MRTFB: variants seen among roughly 807,000 people sequenced by gnomAD.
MRTFB encodes the protein myocardin-related transcription factor B.
MRTFB carries 29 observed loss-of-function variants against 104.2 expected under a neutral mutation model. The observed-to-expected ratio is 0.28, with a 90% CI of 0.21 to 0.38. The LOEUF (loss-of-function observed/expected upper bound fraction) is 0.38. Ranked by LOEUF, MRTFB falls within the 10% of genes least tolerant of loss-of-function variation. The pLI, the probability that MRTFB is intolerant of heterozygous loss-of-function variation, is 1.00. For missense variants in MRTFB, 1,270 were observed against 1,341.6 expected, an observed-to-expected ratio of 0.95 and a Z score of 0.83; for synonymous variants, 535 against 519.5, an observed-to-expected ratio of 1.03 and a Z score of -0.41.
rs149527568 is a variant in MRTFB at position 14,159,039 on chromosome 16, G to T, written c.154+18279G>T. Among the ~76,000 whole-genome samples, 215 of 152,086 alleles carry T rather than the reference G, an allele frequency of 1.4e-3. 1 individual carries two copies. Among genetic ancestry groups the T allele is most frequent in the African/African-American group, 4.9e-3 (204 of 41,484 alleles). ...GCCTGTGGTCCCAGCTACTTAGGAG[G>T]CTGAGGAGGGAGAACTGCTTGAGCC... On this transcript the variant is annotated intron_variant, in intron 3 of 16. Transcript: ENST00000571589.
chr16:14,051,945 C>T, the MRTFB span, among the ~76,000 whole-genome samples: 2 of 152,242 alleles, frequency 1.3e-5, no homozygotes, highest in Admixed American at 1.3e-4. Flanking sequence ...CATGCCTTCC[C>T]TCTCGTGAAT....
Position 14,153,496 on chromosome 16 carries a change from G to A in MRTFB, c.154+12736G>A, listed in dbSNP as rs142526329. ...CATGTAGCTGTTTGGATTGCTCAGC[G>A]CTTTCTGAACCCTCAAGAGAAGGAA... On this transcript the variant is annotated intron_variant, in intron 3 of 16. Coordinates refer to ENST00000571589, the MANE Select transcript of MRTFB (RefSeq NM_001308142.2). Among the ~76,000 whole-genome samples the A allele has an allele frequency of 4.8e-3, 737 of 152,222 alleles. 3 individuals are homozygous for A. The highest frequency in any genetic ancestry group is 0.017 in the African/African-American group (708 of 41,532).
At chr16:14,021,872 T>C in the MRTFB span, among the ~76,000 whole-genome samples, 1 of 152,190 alleles carries the variant, frequency 6.6e-6, no homozygotes, top group Admixed American at 6.5e-5. Context: ...ATCGTGCTGC[T>C]ATAGACATGT....
intron 3 of MRTFB, among the ~76,000 whole-genome samples, chr16:14,190,149 G>A (rs1342485617): frequency 6.6e-6 from 1 of 152,110 alleles, no homozygotes; most frequent in Non-Finnish European, 1.5e-5. Flanking sequence ...CAGTATATGT[G>A]GTTGGAGAAT....
the MRTFB span, among the ~76,000 whole-genome samples, chr16:14,052,953 A>G: frequency 6.6e-6 from 1 of 152,156 alleles, no homozygotes; most frequent in African/African-American, 2.4e-5. Context: ...TTCCACATGT[A>G]AGAACATATG....
the MRTFB span, among the ~76,000 whole-genome samples, chr16:14,003,471 G>A: frequency 6.6e-6 from 1 of 152,164 alleles, no homozygotes; most frequent in African/African-American, 2.4e-5. Context: ...ACAGCCCCCA[G>A]GCAGTTTGCT....
the MRTFB span, among the ~76,000 whole-genome samples, chr16:14,047,305 A>T: frequency 2.0e-5 from 3 of 152,100 alleles, no homozygotes; most frequent in Non-Finnish European, 2.9e-5. Flanking sequence ...TCTTTCCCTT[A>T]TGGTCATAGG....
chr16:14,184,558 T>TCC (rs2039880431), intron 3 of MRTFB, among the ~76,000 whole-genome samples: 1 of 141,034 alleles, frequency 7.1e-6, no homozygotes, highest in Non-Finnish European at 1.6e-5. Flanking sequence ...ATCAGGAAAA[T>TCC]AATGTTGAAC....
chr16:14,109,985 A>C (rs1222511845), intron 2 of MRTFB, among the ~76,000 whole-genome samples: 3 of 152,240 alleles, frequency 2.0e-5, no homozygotes, highest in African/African-American at 7.2e-5. Flanking sequence ...AAAGGAGAGG[A>C]AAAAGGAAAC....
At chr16:14,074,740 A>G (rs543961125) in intron 1 of MRTFB, among the ~76,000 whole-genome samples, 1 of 152,350 alleles carries the variant, frequency 6.6e-6, no homozygotes, top group Admixed American at 6.5e-5. Context: ...CTTGATTCAA[A>G]GGGTGACTTG....
intron 2 of MRTFB, among the ~76,000 whole-genome samples, chr16:14,132,729 G>A (rs11075233): frequency 0.077 from 11,746 of 152,136 alleles, 862 homozygotes; most frequent in African/African-American, 0.19. Context: ...AAAATGCTTC[G>A]TGGCAGAAGC....
At chr16:14,257,946 G>A (rs1029620573) in intron 15 of MRTFB, among the ~76,000 whole-genome samples, 155 bp from the exon 16 acceptor site, 3 of 152,190 alleles carry the variant, frequency 2.0e-5, no homozygotes, top group Non-Finnish European at 4.4e-5. Context: ...TACAGCTTGG[G>A]TAAATGGCTT....
At chr16:14,175,177 A>G (rs996815385) in intron 3 of MRTFB, among the ~76,000 whole-genome samples, 1 of 152,218 alleles carries the variant, frequency 6.6e-6, no homozygotes, top group South Asian at 2.1e-4. Context: ...TATAATTGAC[A>G]TACAATTAAC....
intron 1 of MRTFB, among the ~76,000 whole-genome samples, chr16:14,073,034 T>C (rs2033816180): frequency 6.6e-6 from 1 of 152,210 alleles, no homozygotes; most frequent in South Asian, 2.1e-4. Flanking sequence ...GATACTACAA[T>C]TGTATGTTAA....
the MRTFB span, among the ~76,000 whole-genome samples, chr16:14,064,064 A>T: frequency 2.6e-5 from 4 of 152,230 alleles, no homozygotes; most frequent in African/African-American, 9.6e-5. Context: ...TGTTTTCCAC[A>T]GTGGCTGAAC....
chr16:14,046,017 T>C, the MRTFB span, among the ~76,000 whole-genome samples: 2 of 152,134 alleles, frequency 1.3e-5, no homozygotes, highest in Non-Finnish European at 2.9e-5. Context: ...TCATGCGGGA[T>C]CTGAAATTTG....
chr16:14,099,017 C>T (rs919857462), intron 2 of MRTFB, among the ~76,000 whole-genome samples: 1 of 152,086 alleles, frequency 6.6e-6, no homozygotes, highest in African/African-American at 2.4e-5. Flanking sequence ...TGTTAGTCCT[C>T]CAACTTTTTA....
At chr16:14,002,480 A>G in the MRTFB span, among the ~76,000 whole-genome samples, 3 of 145,432 alleles carry the variant, frequency 2.1e-5, no homozygotes, top group Non-Finnish European at 4.6e-5. Flanking sequence ...ACAACTGAAA[A>G]CAAATTAGAA....
chr16:14,187,657 C>T (rs534868288), intron 3 of MRTFB, among the ~76,000 whole-genome samples: 1 of 152,324 alleles, frequency 6.6e-6, no homozygotes, highest in South Asian at 2.1e-4. Context: ...TGCACAGGCA[C>T]CTCACTGATT....
Sources: gnomAD v4.1 joint callset for allele counts (sites outside exome capture counted in the v4.1 genomes callset) on GRCh38, gnomAD v4.1.1 for gene constraint, MANE v1.5 for transcripts, NCBI Gene and HGNC (gene_info 2026-07-23, HGNC 2026-07-21) for gene names.